RAB40B: variants seen among roughly 807,000 people sequenced by gnomAD.
RAB40B encodes RAB40B, member RAS oncogene family.
RAB40B carries 21 observed loss-of-function variants against 24.0 expected under a neutral mutation model. The ratio of observed to expected loss-of-function variants is 0.88; its 90% CI spans 0.62 to 1.26. RAB40B has a LOEUF of 1.26. Ranked by LOEUF, RAB40B falls within the 50% of genes most tolerant of loss-of-function variation. The pLI, the probability that RAB40B is intolerant of heterozygous loss-of-function variation, is 0.00. For missense variants in RAB40B, 348 were observed against 390.5 expected, an observed-to-expected ratio of 0.89 and a Z score of 0.92; for synonymous variants, 167 against 169.8, an observed-to-expected ratio of 0.98 and a Z score of 0.13.
intron 2 of RAB40B, chr17:82,662,632 C>T (rs925805621): frequency 6.1e-6 from 6 of 985,144 alleles, no homozygotes; most frequent in Admixed American, 6.2e-5. Context: ...TGACCTTGCT[C>T]AGACGACAGT....
At chr17:82,683,528 C>G (rs375898721) in intron 1 of RAB40B, among the ~76,000 whole-genome samples, 1 of 152,202 alleles carries the variant, frequency 6.6e-6, no homozygotes, top group Non-Finnish European at 1.5e-5. Flanking sequence ...TGGCTCACAA[C>G]TGTAATCCCA....
intron 1 of RAB40B, among the ~76,000 whole-genome samples, chr17:82,670,574 G>A (rs112014024): frequency 0.063 from 8,982 of 141,682 alleles, 375 homozygotes; most frequent in Middle Eastern, 0.18. Flanking sequence ...TTACTCTGTC[G>A]CCCAGGCTGG....
intron 1 of RAB40B, among the ~76,000 whole-genome samples, chr17:82,678,843 A>G (rs117628433): frequency 0.012 from 1,804 of 148,870 alleles, 14 homozygotes; most frequent in South Asian, 0.035. Context: ...TCTGACTTTA[A>G]GTGTGTGGTT....
chr17:82,661,729 A>T (rs1035539272), intron 2 of RAB40B, among the ~76,000 whole-genome samples: 13 of 152,138 alleles, frequency 8.5e-5, no homozygotes, highest in Admixed American at 1.3e-4. Context: ...TCTACTAAAA[A>T]TACAAAAATT....
In RAB40B at chr17:82,667,977, C is replaced by T. The variant is rs1340837530; in HGVS notation, c.143-3421G>A. Among the ~76,000 whole-genome samples, 4 of 152,264 alleles carry T rather than the reference C, an allele frequency of 2.6e-5. No individual in the cohort carries two copies. Among genetic ancestry groups the T allele is most frequent in the East Asian group, 1.9e-4 (1 of 5,170 alleles). ...TGGGGCCTTTGGGATGTTGCTCTTC[C>T]GGCTGGAAACCTCTGTGGCTGCTGA... On this transcript the variant is annotated intron_variant, in intron 1 of 5. Transcript: ENST00000571995. The surrounding 1 kb of genome is among the most constrained non-coding windows in gnomAD (Gnocchi z 4.3).
chr17:82,685,834 C>T (rs1211206097), intron 1 of RAB40B, among the ~76,000 whole-genome samples: 4 of 150,558 alleles, frequency 2.7e-5, no homozygotes, highest in Non-Finnish European at 3.0e-5. Flanking sequence ...GACGGAGTCT[C>T]GCCCTGTCAC....
At chr17:82,676,926 G>A (rs550309764) in intron 1 of RAB40B, among the ~76,000 whole-genome samples, 20 of 132,260 alleles carry the variant, frequency 1.5e-4, no homozygotes, top group East Asian at 1.4e-3. Flanking sequence ...GCGCCCGGCC[G>A]GTAGCCTACT....
intron 1 of RAB40B, among the ~76,000 whole-genome samples, chr17:82,682,149 G>GCA (rs1199945393): frequency 3.3e-5 from 5 of 150,618 alleles, no homozygotes; most frequent in East Asian, 1.9e-4. Flanking sequence ...AGGCACGCAT[G>GCA]CACACACACA....
At chr17:82,669,118 G>A (rs114335069) in intron 1 of RAB40B, among the ~76,000 whole-genome samples, 4,482 of 145,384 alleles carry the variant, frequency 0.031, 227 homozygotes, top group African/African-American at 0.11. Context: ...TGAGAGGATC[G>A]CTTGAGCCCA....
chr17:82,687,410 C>A (rs2244312), intron 1 of RAB40B, among the ~76,000 whole-genome samples: 5 of 151,936 alleles, frequency 3.3e-5, no homozygotes, highest in Admixed American at 1.3e-4. Flanking sequence ...AACAAAATGC[C>A]AGTCCTATCA....
chr17:82,678,214 C>T (rs2046413845), intron 1 of RAB40B, among the ~76,000 whole-genome samples: 1 of 152,008 alleles, frequency 6.6e-6, no homozygotes, highest in Admixed American at 6.6e-5. Context: ...TTTTGGTCCA[C>T]GAGAAACTAA....
chr17:82,658,695 T>TG lies in RAB40B; in HGVS notation c.360dup (p.Lys121GlnfsTer34), dbSNP rs1303117778. On this transcript the variant is annotated frameshift_variant, in exon 5 of 6. Coordinates refer to ENST00000571995, the MANE Select transcript of RAB40B (RefSeq NM_006822.3). LOFTEE classifies it high-confidence loss of function. Reference sequence around the variant, plus strand: ...TGCAGGCGGTTCCCCACCAGGATCTTGGGGACTCCGGGGGCATGCTAGCGG... The same window carrying TG: ...TGCAGGCGGTTCCCCACCAGGATCTTGGGGGACTCCGGGGGCATGCTAGCGG... 6.2e-7 allele frequency: 1 copy of TG among 1,612,066 alleles called. No homozygotes were observed. Among genetic ancestry groups the TG allele is most frequent in the South Asian group, 1.1e-5 (1 of 91,020 alleles).
chr17:82,655,574 A>G lies in RAB40B; in HGVS notation c.*2289T>C, dbSNP rs976168666. 5.9e-5 allele frequency: 9 copies of G among 152,292 alleles called. No homozygotes were observed. Among genetic ancestry groups the G allele is most frequent in the African/African-American group, 1.9e-4 (8 of 41,468 alleles). The allele number at this position is 152,292 out of a possible 1,614,324, so 9.4% of individuals were successfully genotyped here. ...GGAACGGAGGGAGAAGAGGCCCCTC[A>G]ACGTGGGTTTCTTCAACGTGGACTC... On this transcript the variant is annotated 3_prime_UTR_variant, in exon 6 of 6. Transcript: ENST00000571995.
At chr17:82,689,871 G>A (rs1309659039) in intron 1 of RAB40B, among the ~76,000 whole-genome samples, 1 of 151,926 alleles carries the variant, frequency 6.6e-6, no homozygotes, top group African/African-American at 2.4e-5. Flanking sequence ...AGGAGGCTGA[G>A]GCAGAGAATT....
intron 4 of RAB40B, 89 bp from the exon 5 acceptor site, chr17:82,658,802 C>G: frequency 8.3e-7 from 1 of 1,208,472 alleles, no homozygotes; most frequent in Non-Finnish European, 1.1e-6. Flanking sequence ...TCGAGGAACC[C>G]CCCACGAGTT....
chr17:82,698,459 C>T lies in RAB40B; in HGVS notation c.138G>A (p.Pro46=), dbSNP rs757694126. 4.8e-6 allele frequency: 7 copies of T among 1,465,132 alleles called. No homozygotes were observed. The highest frequency in any genetic ancestry group is 4.2e-5 in the Admixed American group (2 of 47,576). The allele number at this position is 1,465,132 out of a possible 1,614,324, so 90.8% of individuals were successfully genotyped here. ...ACGCCCTCCGCCCGCGCTCACCCGC[C>T]GGGTGGCCGTACGGGGACTCGGCCG... is the stretch of plus-strand genomic sequence containing the variant. The part of the protein sequence containing the change: ...DGAAESPYGH[P]AGIDYKTTTI... Residue 46 remains proline (P), a synonymous_variant, in exon 1 of 6, where the codon CCG becomes CCA. Coordinates refer to ENST00000571995, the MANE Select transcript of RAB40B (RefSeq NM_006822.3).
intron 1 of RAB40B, among the ~76,000 whole-genome samples, chr17:82,679,613 A>T (rs1343892060): frequency 6.6e-6 from 1 of 152,190 alleles, no homozygotes; most frequent in Admixed American, 6.5e-5. Context: ...CCTTTGTCTT[A>T]GGACACTAAA....
chr17:82,695,023 T>C lies in RAB40B; in HGVS notation c.142+3432A>G, dbSNP rs575333627. On this transcript the variant is annotated intron_variant, in intron 1 of 5. Transcript: ENST00000571995. Reference sequence around the variant, plus strand: ...TTGGTGAGCACTGACTGTATTTAAATGTTGAATTGATACTAAATCATTGCG... The same window carrying C: ...TTGGTGAGCACTGACTGTATTTAAACGTTGAATTGATACTAAATCATTGCG... Among the ~76,000 whole-genome samples, 49 of 151,860 alleles carry C rather than the reference T, an allele frequency of 3.2e-4. 1 individual carries two copies. The highest frequency in any genetic ancestry group is 1.1e-3 in the African/African-American group (47 of 41,134).
At position 82,663,183 on chromosome 17, in the gene RAB40B, G is replaced by A. The variant is rs1272381560; in HGVS notation, c.203+1313C>T. ...CTGAAGCTGTGCAGCAGGAAGGGTC[G>A]GGGCGCTTGGGGACACTGTGGAGAC... On this transcript the variant is annotated intron_variant, in intron 2 of 5. Coordinates refer to ENST00000571995, the MANE Select transcript of RAB40B (RefSeq NM_006822.3). This position sits in a 1 kb window ranked among gnomAD's most constrained non-coding sequence, Gnocchi z 6.2. 3.9e-5 allele frequency among the ~76,000 whole-genome samples: 6 copies of A among 152,076 alleles called. No individual in the cohort carries two copies. Among genetic ancestry groups the A allele is most frequent in the Admixed American group, 2.0e-4 (3 of 15,270 alleles).
Sources: allele counts gnomAD v4.1 joint callset (sites outside exome capture counted in the v4.1 genomes callset), GRCh38; gene constraint gnomAD v4.1.1; non-coding constraint Gnocchi (gnomAD v3.1); transcripts MANE v1.5; gene names NCBI Gene and HGNC (gene_info 2026-07-23, HGNC 2026-07-21).